Variants in PTCD2 observed in about 807,000 individuals in gnomAD.
The protein encoded by PTCD2 is pentatricopeptide repeat-containing protein 2, mitochondrial.
PTCD2 carries 31 observed loss-of-function variants against 42.6 expected under a neutral mutation model. That is an observed-to-expected ratio of 0.73 (90% CI 0.55 to 0.98). The LOEUF is 0.98. Among genes scored for constraint, PTCD2 ranks in the 50% least tolerant of loss-of-function variants. The pLI is 0.00. For missense variants in PTCD2, 476 were observed against 454.8 expected (o/e 1.05, Z -0.42); for synonymous variants, 183 against 170.9 (o/e 1.07, Z -0.55).
At chr5:72,327,435 A>G (rs1751204848) in intron 3 of PTCD2, among the ~76,000 whole-genome samples, 1 of 151,998 alleles carries the variant, frequency 6.6e-6, no homozygotes, top group Admixed American at 6.6e-5. Context: ...CATTTCTGAA[A>G]TTAAATTCAT....
In PTCD2 at chr5:72,363,116, A is replaced by C. The variant is rs980027337; in HGVS notation, c.*4689A>C. 1 of 152,246 alleles carries C rather than the reference A, an allele frequency of 6.6e-6. No individual in the cohort carries two copies. Among genetic ancestry groups the C allele is most frequent in the Non-Finnish European group, 1.5e-5 (1 of 68,048 alleles). 9.4% of individuals were successfully genotyped at this position (152,246 alleles called of 1,614,324 possible). ...TCTTATGAACTCTGGTTATACTGAA[A>C]ACAGGAGTCATGGGAGACTTGATCT... On this transcript the variant is annotated 3_prime_UTR_variant, in exon 10 of 10. Transcript: ENST00000380639.
chr5:72,358,334 C>T lies in PTCD2; in HGVS notation c.1074C>T (p.Pro358=). ...DSLDAVLCHT[P]RDRKSHTLLL... is the part of the protein sequence containing the mutation. ...TGGATGCTGTGCTCTGCCACACCCC[C>T]AGGGACAGGAAATCTCACACGTTGC... The change falls in exon 10 of 10, where the codon CCC becomes CCT. Residue 358 remains proline, a synonymous_variant. Transcript: ENST00000380639. The T allele has an allele frequency of 3.7e-6, 6 of 1,614,056 alleles. No homozygotes were observed. Among genetic ancestry groups the T allele is most frequent in the South Asian group, 1.1e-5 (1 of 91,074 alleles).
chr5:72,327,385 C>T (rs544652849), intron 3 of PTCD2, among the ~76,000 whole-genome samples: 3 of 152,234 alleles, frequency 2.0e-5, no homozygotes, highest in Admixed American at 2.0e-4. Flanking sequence ...GCAAAGGCTT[C>T]GCTTACCAGG....
At chr5:72,346,424 T>G (rs1490321819) in intron 8 of PTCD2, among the ~76,000 whole-genome samples, 1 of 152,152 alleles carries the variant, frequency 6.6e-6, no homozygotes, top group Non-Finnish European at 1.5e-5. Flanking sequence ...GGGAAGGACT[T>G]GCAGCTGTGT....
chr5:72,353,908 T>G (rs1421026263), intron 9 of PTCD2, among the ~76,000 whole-genome samples: 1 of 152,234 alleles, frequency 6.6e-6, no homozygotes, highest in African/African-American at 2.4e-5. Flanking sequence ...ATATAAACAT[T>G]AGTAGATTCT....
chr5:72,351,920 G>T (rs61630278), intron 8 of PTCD2, among the ~76,000 whole-genome samples: 4 of 152,098 alleles, frequency 2.6e-5, no homozygotes, highest in Non-Finnish European at 5.9e-5. Flanking sequence ...TGTTCATTGA[G>T]TATCTTCTGT....
chr5:72,320,883 G>A (rs1056262502), intron 1 of PTCD2: 4 of 205,664 alleles, frequency 1.9e-5, no homozygotes, highest in South Asian at 6.8e-5. Context: ...TCGGCTCACT[G>A]CAGCCTCCGC....
chr5:72,332,473 G>A (rs533292631), intron 4 of PTCD2, among the ~76,000 whole-genome samples: 16 of 151,924 alleles, frequency 1.1e-4, no homozygotes, highest in African/African-American at 3.9e-4. Context: ...ATCTTTAGGG[G>A]GTAGAATTAT....
intron 9 of PTCD2, among the ~76,000 whole-genome samples, chr5:72,357,196 C>T (rs1247646173): frequency 2.0e-5 from 3 of 152,138 alleles, no homozygotes; most frequent in African/African-American, 4.8e-5. Flanking sequence ...CCAAACAGAG[C>T]TCTTGATTTT....
In PTCD2 at chr5:72,337,717, G is replaced by T. The variant is rs556795436; in HGVS notation, c.640-905G>T. Among the ~76,000 whole-genome samples the T allele has an allele frequency of 9.9e-5, 15 of 152,240 alleles. 1 individual carries two copies. In the South Asian group the frequency reaches 3.1e-3, roughly 32 times the overall value. Reference sequence around the variant, plus strand: ...CTGAGGCAGGAGAATCGTTTGAACTGGGGAGGCAGACGTTGCGGTGAGCTG... The same window carrying T: ...CTGAGGCAGGAGAATCGTTTGAACTTGGGAGGCAGACGTTGCGGTGAGCTG... On this transcript the variant is annotated intron_variant, in intron 6 of 9. Transcript: ENST00000380639.
rs775142198 is a variant in PTCD2, at chr5:72,335,777, C to G, written c.548-17C>G. On this transcript the variant is annotated splice_polypyrimidine_tract_variant and intron_variant, in intron 5 of 9. Coordinates refer to ENST00000380639, the MANE Select transcript of PTCD2 (RefSeq NM_024754.5). ...AGAGGAACTCTAACACTGCGATCCA[C>G]TCTTCACTTTTGGCAGGTGCTTTGC... is the stretch of plus-strand genomic sequence containing the variant. The G allele has an allele frequency of 6.3e-7, 1 of 1,580,764 alleles. No homozygotes were observed. The highest frequency in any genetic ancestry group is 1.7e-5 in the Admixed American group (1 of 59,962).
intron 8 of PTCD2, among the ~76,000 whole-genome samples, chr5:72,346,016 G>A (rs185851279): frequency 6.6e-6 from 1 of 152,302 alleles, no homozygotes; most frequent in East Asian, 1.9e-4. Context: ...TTCAGAGAAT[G>A]ACTAGATGAG....
rs780242303 is a variant in PTCD2 at position 72,335,815 on chromosome 5, A to C, written c.569A>C (p.Glu190Ala). 3 of 1,613,750 alleles carry C rather than the reference A, an allele frequency of 1.9e-6. No homozygotes were observed. In the South Asian group the frequency reaches 3.3e-5, roughly 18 times the overall value. The change falls in exon 6 of 10, where the codon GAG becomes GCG. Residue 190 changes from glutamate to alanine, a missense_variant. Coordinates refer to ENST00000380639, the MANE Select transcript of PTCD2 (RefSeq NM_024754.5). ...KYKSALQVLI[E>A]MKNQDVKFTK... ...GCAGGTGCTTTGCAAGTATTGATAG[A>C]GATGAAAAACCAAGATGTGAAGTTC...
intron 4 of PTCD2, among the ~76,000 whole-genome samples, chr5:72,334,620 C>T (rs1751631949): frequency 6.6e-6 from 1 of 151,822 alleles, no homozygotes; most frequent in African/African-American, 2.4e-5. Flanking sequence ...GGCGTGATCT[C>T]GGCTTACTGC....
At chr5:72,321,631 G>A (rs897842804) in intron 1 of PTCD2, among the ~76,000 whole-genome samples, 1 of 152,164 alleles carries the variant, frequency 6.6e-6, no homozygotes, top group Non-Finnish European at 1.5e-5. Flanking sequence ...CTACTAAGCT[G>A]TGATCAATGA....
chr5:72,325,408 T>A (rs1197244202), intron 2 of PTCD2, among the ~76,000 whole-genome samples: 1 of 152,250 alleles, frequency 6.6e-6, no homozygotes, highest in Non-Finnish European at 1.5e-5. Context: ...AGTTACCGAA[T>A]GACAAATGCT....
chr5:72,362,530 G>A lies in PTCD2; in HGVS notation c.*4103G>A, dbSNP rs563040408. Reference sequence around the variant, plus strand: ...AGCCAGTCCCAACCTTCCACATTTAGACCTGACTCCAAGTTTTGCTCAGCC... The same window carrying A: ...AGCCAGTCCCAACCTTCCACATTTAAACCTGACTCCAAGTTTTGCTCAGCC... On this transcript the variant is annotated 3_prime_UTR_variant, in exon 10 of 10. Coordinates refer to ENST00000380639, the MANE Select transcript of PTCD2 (RefSeq NM_024754.5). 1.3e-5 allele frequency: 2 copies of A among 152,176 alleles called. No homozygotes were observed. The highest frequency in any genetic ancestry group is 2.9e-5 in the Non-Finnish European group (2 of 68,068). 9.4% of individuals were successfully genotyped at this position (152,176 alleles called of 1,614,324 possible).
rs1753125276 is a variant in PTCD2 at position 72,362,854 on chromosome 5, CT to C, written c.*4428del. On this transcript the variant is annotated 3_prime_UTR_variant, in exon 10 of 10. Transcript: ENST00000380639. ...GATCTTTTTGTTTCTGTAGGAGGTG[CT>C]CATTACAGAGTGGCCAAATTCCTAC... 3.9e-5 allele frequency: 6 copies of C among 152,166 alleles called. No homozygotes were observed. Among genetic ancestry groups the C allele is most frequent in the African/African-American group, 1.4e-4 (6 of 41,438 alleles). The allele number at this position is 152,166 out of a possible 1,614,324, so 9.4% of individuals were successfully genotyped here.
At chr5:72,348,564 G>A (rs986602397) in intron 8 of PTCD2, among the ~76,000 whole-genome samples, 12 of 152,182 alleles carry the variant, frequency 7.9e-5, no homozygotes, top group Admixed American at 3.3e-4. Context: ...CAAAACACAT[G>A]TATGTTGACT....
Sources: allele counts gnomAD v4.1 joint callset (sites outside exome capture counted in the v4.1 genomes callset), GRCh38; gene constraint gnomAD v4.1.1; transcripts MANE v1.5; gene names NCBI Gene and HGNC (gene_info 2026-07-23, HGNC 2026-07-21).